MECOM: variants seen among roughly 807,000 people sequenced by gnomAD.
MECOM encodes MDS1 and EVI1 complex locus.
Under a neutral mutation model 116.3 loss-of-function variants are expected in MECOM, and 13 were observed. The observed-to-expected ratio is 0.11, with a 90% CI of 0.07 to 0.18. The LOEUF is 0.18. MECOM is among the 10% of genes least tolerant of loss of function. The pLI, the probability that MECOM is intolerant of heterozygous loss-of-function variation, is 1.00. For synonymous variants in MECOM, 528 were observed against 535.2 expected (o/e 0.99, Z 0.19); for missense variants, 1,299 against 1,509.0 (o/e 0.86, Z 2.31).
chr3:169,423,290 G>T (rs1382274943), intron 1 of MECOM, among the ~76,000 whole-genome samples: 1 of 152,050 alleles, frequency 6.6e-6, no homozygotes, highest in African/African-American at 2.4e-5. Context: ...ACAGGAAAAA[G>T]AAAACAGAAA....
intron 2 of MECOM, among the ~76,000 whole-genome samples, chr3:169,242,611 C>T (rs2149554612): frequency 6.6e-6 from 1 of 152,188 alleles, no homozygotes; most frequent in South Asian, 2.1e-4. Context: ...ACGCGGGCTG[C>T]TCTAGTCAGG....
At chr3:169,503,272 G>C (rs542802282) in intron 1 of MECOM, among the ~76,000 whole-genome samples, 2 of 152,248 alleles carry the variant, frequency 1.3e-5, no homozygotes, top group South Asian at 4.1e-4. Context: ...TCAGTATAGA[G>C]CTTTATCCCT....
chr3:169,142,067 T>A (rs1415972530), intron 3 of MECOM, among the ~76,000 whole-genome samples: 1 of 151,980 alleles, frequency 6.6e-6, no homozygotes, highest in Non-Finnish European at 1.5e-5. Context: ...AAATGCCTAC[T>A]CTAATGAGTA....
In MECOM at chr3:169,209,239, A is replaced by G. The variant is rs577145317; in HGVS notation, c.376-65407T>C. Among the ~76,000 whole-genome samples the G allele has an allele frequency of 3.3e-5, 5 of 152,310 alleles. No homozygotes were observed. In the East Asian group the frequency reaches 9.6e-4, roughly 29 times the overall value. ...TTAAAGACTTAAATGTAAAACCCAA[A>G]ACCATAAAAATCCTAGAAGAAAACC... On this transcript the variant is annotated intron_variant, in intron 2 of 16. Coordinates refer to ENST00000651503, the MANE Select transcript of MECOM (RefSeq NM_004991.4).
chr3:169,319,025 G>A (rs1237338097), intron 2 of MECOM, among the ~76,000 whole-genome samples: 1 of 151,782 alleles, frequency 6.6e-6, no homozygotes, highest in African/African-American at 2.4e-5. Flanking sequence ...TTGAACCTAG[G>A]AGGCAGAGGT....
chr3:169,512,135 G>A (rs1035790880), intron 1 of MECOM, among the ~76,000 whole-genome samples: 1 of 152,112 alleles, frequency 6.6e-6, no homozygotes, highest in African/African-American at 2.4e-5. Flanking sequence ...TGTTCGACAG[G>A]CCATCTCCCT....
intron 12 of MECOM, among the ~76,000 whole-genome samples, chr3:169,097,343 A>T (rs1403227556): frequency 6.6e-6 from 1 of 152,152 alleles, no homozygotes; most frequent in East Asian, 1.9e-4. Flanking sequence ...CTTGGCCAGA[A>T]AAAGAATGTT....
intron 2 of MECOM, among the ~76,000 whole-genome samples, chr3:169,163,822 CAG>C: frequency 6.6e-6 from 1 of 152,248 alleles, no homozygotes; most frequent in Non-Finnish European, 1.5e-5. Context: ...CACTGACTGA[CAG>C]GGACTCTTAG....
intron 10 of MECOM, among the ~76,000 whole-genome samples, chr3:169,103,413 C>T (rs1349042002): frequency 2.0e-5 from 3 of 152,122 alleles, no homozygotes; most frequent in Non-Finnish European, 4.4e-5. Context: ...ACTTTCAGGC[C>T]ATCCTGTTAA....
chr3:169,159,482 C>A (rs1433859243), intron 2 of MECOM, among the ~76,000 whole-genome samples: 3 of 152,050 alleles, frequency 2.0e-5, no homozygotes, highest in Non-Finnish European at 4.4e-5. Context: ...TTGCTTGAAC[C>A]CGGGAGGCAG....
At position 169,495,714 on chromosome 3, in the gene MECOM, T is replaced by A. The variant is rs376739393; in HGVS notation, c.38-114190A>T. Among the ~76,000 whole-genome samples, 7 of 152,140 alleles carry A rather than the reference T, an allele frequency of 4.6e-5. No individual in the cohort carries two copies. In the East Asian group the frequency reaches 1.3e-3, roughly 29 times the overall value. ...GGTAATTTGGACACTGGCCTCACTA[T>A]CAAAACTATGAACCAGTCACTCACA... On this transcript the variant is annotated intron_variant, in intron 1 of 16. Transcript: ENST00000651503.
chr3:169,414,729 G>A (rs564742895), intron 1 of MECOM, among the ~76,000 whole-genome samples: 15 of 152,234 alleles, frequency 9.9e-5, no homozygotes, highest in South Asian at 4.1e-4. Flanking sequence ...CGAGAACTTC[G>A]TGAAGCATAC....
chr3:169,413,180 G>C (rs1009664916), intron 1 of MECOM, among the ~76,000 whole-genome samples: 1 of 152,210 alleles, frequency 6.6e-6, no homozygotes, highest in Non-Finnish European at 1.5e-5. Flanking sequence ...GGACTGGTTA[G>C]ACAGTGGTTG....
chr3:169,472,504 AAAG>A (rs1749479035), intron 1 of MECOM, among the ~76,000 whole-genome samples: 1 of 90,352 alleles, frequency 1.1e-5, no homozygotes, highest in Non-Finnish European at 2.2e-5. Flanking sequence ...AAAGGAAAGG[AAAG>A]GAAAGGAAAG....
intron 1 of MECOM, among the ~76,000 whole-genome samples, chr3:169,601,690 C>T (rs1308648597): frequency 1.3e-5 from 2 of 152,180 alleles, no homozygotes; most frequent in South Asian, 4.1e-4. Context: ...TGCAGGCTCA[C>T]GTCACACTTA....
At chr3:169,516,461 T>C (rs559386470) in intron 1 of MECOM, among the ~76,000 whole-genome samples, 1 of 152,326 alleles carries the variant, frequency 6.6e-6, no homozygotes, top group East Asian at 1.9e-4. Context: ...TTTTTCAAGA[T>C]CTTTTAGTTA....
chr3:169,139,855 C>A (rs560848164), intron 3 of MECOM, among the ~76,000 whole-genome samples: 1 of 151,492 alleles, frequency 6.6e-6, no homozygotes, highest in Admixed American at 6.6e-5. Flanking sequence ...AGGGTGAGAC[C>A]GACCAAACCT....
intron 2 of MECOM, among the ~76,000 whole-genome samples, chr3:169,339,486 A>C (rs1021021405): frequency 1.3e-5 from 2 of 152,240 alleles, no homozygotes; most frequent in Admixed American, 6.5e-5. Flanking sequence ...CAATGTATGG[A>C]AATAACCACC....
chr3:169,115,268 T>C (rs1447797499), intron 8 of MECOM, 115 bp downstream of exon 8: 2 of 1,132,276 alleles, frequency 1.8e-6, no homozygotes, highest in East Asian at 5.2e-5. Flanking sequence ...TCAAACAACT[T>C]CACTCTGTTT....
Sources: allele counts gnomAD v4.1 joint callset (sites outside exome capture counted in the v4.1 genomes callset), GRCh38; gene constraint gnomAD v4.1.1; transcripts MANE v1.5; gene names NCBI Gene and HGNC (gene_info 2026-07-23, HGNC 2026-07-21).